VPS35L: variants seen among roughly 807,000 people sequenced by gnomAD.
VPS35L encodes the protein VPS35 endosomal protein sorting factor like, also known as VPS35 endosomal protein-sorting factor-like.
In VPS35L, 83 loss-of-function variants were observed where a neutral mutation model predicts 133.0. The observed-to-expected ratio is 0.62, with a 90% CI of 0.52 to 0.75. The LOEUF is 0.75. Ranked by LOEUF, VPS35L falls within the 30% of genes least tolerant of loss-of-function variation. VPS35L has a pLI of 0.00. For synonymous variants in VPS35L, 423 were observed against 449.9 expected (o/e 0.94, Z 0.76); for missense variants, 1,083 against 1,206.8 (o/e 0.90, Z 1.52).
intron 18 of VPS35L, 24 bp downstream of exon 18, chr16:19,629,844 T>C (rs1263577687): frequency 6.2e-7 from 1 of 1,607,922 alleles, no homozygotes; most frequent in Non-Finnish European, 8.5e-7. Context: ...TGGTATTGTT[T>C]TTGAAAGAAT....
chr16:19,697,257 A>G (rs1025493253), intron 29 of VPS35L, among the ~76,000 whole-genome samples: 3 of 152,146 alleles, frequency 2.0e-5, no homozygotes, highest in Non-Finnish European at 2.9e-5. Flanking sequence ...GGCAGGCTCA[A>G]TTTTGCCCGG....
At chr16:19,681,547 G>A (rs1975279704) in intron 27 of VPS35L, among the ~76,000 whole-genome samples, 1 of 152,150 alleles carries the variant, frequency 6.6e-6, no homozygotes, top group Admixed American at 6.5e-5. Context: ...CTTTCAGCAG[G>A]GCATCCCCAG....
At chr16:19,603,825 G>C (rs1421909528) in intron 9 of VPS35L, among the ~76,000 whole-genome samples, 3 of 152,166 alleles carry the variant, frequency 2.0e-5, no homozygotes, top group African/African-American at 7.2e-5. Flanking sequence ...TCCGCCTCCT[G>C]GGTTCAAGCG....
intron 26 of VPS35L, 147 bp from the exon 27 acceptor site, chr16:19,669,013 T>G: frequency 1.6e-6 from 1 of 640,224 alleles, no homozygotes; most frequent in Non-Finnish European, 2.5e-6. Flanking sequence ...TCCATCATGG[T>G]TTGCAGAAAC....
In VPS35L at chr16:19,640,110, A is replaced by G. The variant is rs1209669353; in HGVS notation, c.1784+10A>G. 6.2e-7 allele frequency: 1 copy of G among 1,610,504 alleles called. No homozygotes were observed. Among genetic ancestry groups the G allele is most frequent in the South Asian group, 1.1e-5 (1 of 90,950 alleles). On this transcript the variant is annotated intron_variant, in intron 21 of 30. Transcript: ENST00000417362. ...TGGACGCCTTTATCAAGTGAGTGCC[A>G]CTGCGTGCAGCAGAAGCCTTGATTC...
At chr16:19,576,089 C>G (rs778677009) in intron 5 of VPS35L, among the ~76,000 whole-genome samples, 9 of 148,634 alleles carry the variant, frequency 6.1e-5, no homozygotes, top group Admixed American at 2.0e-4. Flanking sequence ...TCGCTTGAAC[C>G]TGGGAGGCGG....
chr16:19,693,874 G>A (rs536309786), intron 29 of VPS35L, among the ~76,000 whole-genome samples: 16 of 150,822 alleles, frequency 1.1e-4, no homozygotes, highest in South Asian at 8.4e-4. Context: ...AGGCTGCGGC[G>A]GGAACTCGAG....
intron 21 of VPS35L, among the ~76,000 whole-genome samples, chr16:19,641,318 C>T (rs1383072109): frequency 6.6e-6 from 1 of 151,770 alleles, no homozygotes; most frequent in Non-Finnish European, 1.5e-5. Flanking sequence ...CCACCCGCCT[C>T]GGCCTCCCAA....
chr16:19,576,339 T>C (rs992720694), intron 5 of VPS35L, among the ~76,000 whole-genome samples: 1 of 152,142 alleles, frequency 6.6e-6, no homozygotes, highest in African/African-American at 2.4e-5. Context: ...CAATAAGGTA[T>C]GTTGGTGAGG....
chr16:19,566,382 A>G (rs1325472217), intron 2 of VPS35L, among the ~76,000 whole-genome samples: 2 of 152,120 alleles, frequency 1.3e-5, no homozygotes, highest in Non-Finnish European at 2.9e-5. Flanking sequence ...TGTAGTCCCA[A>G]CTACTCAGGA....
chr16:19,615,709 C>T (rs762231376), intron 12 of VPS35L, among the ~76,000 whole-genome samples: 27 of 151,650 alleles, frequency 1.8e-4, no homozygotes, highest in Admixed American at 4.6e-4. Context: ...TGGCTCACAC[C>T]TGTAATCCCA....
rs578180708 is a variant in VPS35L, at chr16:19,653,269, C to T, written c.2221+1179C>T. ...CCTGGTTACCTACTGCAACGGTGTA[C>T]GCCAAGGGCCTGCAGGCAGGTTAGC... On this transcript the variant is annotated intron_variant, in intron 26 of 30. Transcript: ENST00000417362. Among the ~76,000 whole-genome samples, 13 of 152,298 alleles carry T rather than the reference C, an allele frequency of 8.5e-5. No homozygotes were observed. The East Asian group carries it at 1.5e-3, about 18-fold the overall frequency.
chr16:19,699,381 T>C lies in VPS35L; in HGVS notation c.2647-121T>C, dbSNP rs1052316297. ...AGCAGCTTGCCCTACAGCAAATACA[T>C]GGCAGAGCTGGCACTGGAACTCAGG... On this transcript the variant is annotated intron_variant, in intron 29 of 30. Transcript: ENST00000417362. The surrounding 1 kb of genome is among the most constrained non-coding windows in gnomAD (Gnocchi z 4.2). 42 of 1,265,180 alleles carry C rather than the reference T, an allele frequency of 3.3e-5. No homozygotes were observed. Among genetic ancestry groups the C allele is most frequent in the Non-Finnish European group, 4.5e-5 (41 of 915,340 alleles). 78.4% of individuals were successfully genotyped at this position (1,265,180 alleles called of 1,614,324 possible).
intron 3 of VPS35L, among the ~76,000 whole-genome samples, chr16:19,572,575 T>C (rs1971415963): frequency 6.6e-6 from 1 of 152,218 alleles, no homozygotes; most frequent in Non-Finnish European, 1.5e-5. Flanking sequence ...ATTTTAACTC[T>C]TTGACATTCT....
At chr16:19,624,325 G>A (rs561647077) in intron 14 of VPS35L, among the ~76,000 whole-genome samples, 6 of 151,734 alleles carry the variant, frequency 4.0e-5, no homozygotes, top group African/African-American at 1.2e-4. Context: ...GCTCACTCCT[G>A]TAATCCCAGC....
intron 27 of VPS35L, among the ~76,000 whole-genome samples, chr16:19,678,753 C>T (rs1597427405): frequency 6.6e-6 from 1 of 151,758 alleles, no homozygotes; most frequent in Non-Finnish European, 1.5e-5. Context: ...GCTGAGATTA[C>T]AGGCTTGAGC....
intron 14 of VPS35L, among the ~76,000 whole-genome samples, chr16:19,619,586 G>A (rs1383366702): frequency 6.6e-6 from 1 of 151,952 alleles, no homozygotes; most frequent in Non-Finnish European, 1.5e-5. Context: ...TTTAGCGAAA[G>A]GCAAAATCAG....
chr16:19,652,211 C>T, intron 26 of VPS35L, 121 bp downstream of exon 26: 1 of 744,420 alleles, frequency 1.3e-6, no homozygotes, highest in South Asian at 1.7e-5. Flanking sequence ...GAGTCTCACT[C>T]TGTCACCCAG....
chr16:19,606,428 T>C (rs1972540137), intron 9 of VPS35L, among the ~76,000 whole-genome samples: 1 of 152,198 alleles, frequency 6.6e-6, no homozygotes, highest in South Asian at 2.1e-4. Flanking sequence ...TGTGTAGAGA[T>C]CTAGGCTGGA....
Sources: allele counts gnomAD v4.1 joint callset (sites outside exome capture counted in the v4.1 genomes callset), GRCh38; gene constraint gnomAD v4.1.1; non-coding constraint Gnocchi (gnomAD v3.1); transcripts MANE v1.5; gene names NCBI Gene and HGNC (gene_info 2026-07-23, HGNC 2026-07-21).